PRKG1: variants seen among roughly 807,000 people sequenced by gnomAD.
The protein encoded by PRKG1 is protein kinase cGMP-dependent 1.
In PRKG1, 35 loss-of-function variants were observed where a neutral mutation model predicts 88.1. The observed-to-expected ratio is 0.40, with a 90% CI of 0.30 to 0.53. PRKG1 has a LOEUF of 0.53. Among genes scored for constraint, PRKG1 ranks in the 20% least tolerant of loss-of-function variants. The pLI is 0.59. For missense variants in PRKG1, 540 were observed against 839.8 expected, an observed-to-expected ratio of 0.64 and a Z score of 4.41; for synonymous variants, 303 against 292.5, an observed-to-expected ratio of 1.04 and a Z score of -0.37.
intron 5 of PRKG1, among the ~76,000 whole-genome samples, chr10:52,034,997 C>T (rs1476559989): frequency 2.0e-5 from 3 of 152,158 alleles, no homozygotes; most frequent in Admixed American, 2.0e-4. Flanking sequence ...TTCTACTTTT[C>T]TTGAAGACAG....
At chr10:52,169,064 G>A (rs1413734014) in intron 9 of PRKG1, among the ~76,000 whole-genome samples, 1 of 152,118 alleles carries the variant, frequency 6.6e-6, no homozygotes, top group African/African-American at 2.4e-5. Context: ...AGTGAGAGGA[G>A]CATGGCACTG....
intron 3 of PRKG1, among the ~76,000 whole-genome samples, chr10:51,783,821 T>G (rs1838658434): frequency 6.6e-6 from 1 of 152,114 alleles, no homozygotes; most frequent in Non-Finnish European, 1.5e-5. Context: ...CCATAGAGCC[T>G]TCAATAAAAA....
intron 1 of PRKG1, among the ~76,000 whole-genome samples, chr10:51,027,991 A>T (rs1236368248): frequency 6.6e-6 from 1 of 152,190 alleles, no homozygotes; most frequent in Non-Finnish European, 1.5e-5. Flanking sequence ...AAGACAAGGC[A>T]TTTATCATAG....
intron 3 of PRKG1, among the ~76,000 whole-genome samples, chr10:51,639,480 A>G (rs1459903276): frequency 1.6e-5 from 2 of 127,594 alleles, no homozygotes; most frequent in Admixed American, 1.7e-4. Context: ...AAAAAAAAAG[A>G]CATGAGATTA....
intron 7 of PRKG1, among the ~76,000 whole-genome samples, chr10:52,109,304 G>A (rs767082268): frequency 1.2e-4 from 18 of 152,080 alleles, no homozygotes; most frequent in Non-Finnish European, 2.4e-4. Context: ...TACTTAACCC[G>A]CATTTTTCTA....
chr10:51,246,297 A>ACT (rs1022571955), intron 2 of PRKG1, among the ~76,000 whole-genome samples: 63 of 152,206 alleles, frequency 4.1e-4, no homozygotes, highest in African/African-American at 1.4e-3. Context: ...TTTGATAGAA[A>ACT]CTGAAGCTGA....
chr10:51,961,111 A>G (rs1462613217), intron 5 of PRKG1, among the ~76,000 whole-genome samples: 1 of 152,146 alleles, frequency 6.6e-6, no homozygotes, highest in Non-Finnish European at 1.5e-5. Context: ...CTCTTTCTTC[A>G]TTATAAGCTT....
At chr10:51,348,699 T>C (rs1842169354) in intron 2 of PRKG1, among the ~76,000 whole-genome samples, 1 of 152,190 alleles carries the variant, frequency 6.6e-6, no homozygotes, top group African/African-American at 2.4e-5. Context: ...TCGACCTTGG[T>C]CTCATTTCTT....
intron 3 of PRKG1, among the ~76,000 whole-genome samples, chr10:51,661,470 A>G (rs1293736633): frequency 6.6e-6 from 1 of 152,224 alleles, no homozygotes; most frequent in Admixed American, 6.5e-5. Flanking sequence ...CAAAAGACAC[A>G]TGAAAAAATG....
chr10:51,905,597 C>A (rs1229733853), intron 4 of PRKG1, among the ~76,000 whole-genome samples: 3 of 151,926 alleles, frequency 2.0e-5, no homozygotes, highest in East Asian at 1.9e-4. Flanking sequence ...TGTTGATAAC[C>A]TTTTGTTTTT....
intron 3 of PRKG1, among the ~76,000 whole-genome samples, chr10:51,595,992 G>A (rs913496997): frequency 2.6e-5 from 4 of 151,776 alleles, no homozygotes; most frequent in Admixed American, 6.6e-5. Flanking sequence ...CACCATGCCC[G>A]GCTAATTTTT....
intron 1 of PRKG1, among the ~76,000 whole-genome samples, chr10:51,102,547 C>T (rs969943374): frequency 9.2e-5 from 14 of 152,120 alleles, no homozygotes; most frequent in African/African-American, 3.4e-4. Flanking sequence ...ATTTCCCATT[C>T]GGCTCCTGTT....
Position 51,087,032 on chromosome 10 carries a change from C to A in PRKG1, c.311+12131C>A, listed in dbSNP as rs537378142. Reference sequence around the variant, plus strand: ...AACCCTTGCTAGTGAGTTTTTAAATCGTCTCTGACAGCTTTTCCCTCTCTT... The same window carrying A: ...AACCCTTGCTAGTGAGTTTTTAAATAGTCTCTGACAGCTTTTCCCTCTCTT... On this transcript the variant is annotated intron_variant, in intron 1 of 17. Transcript: ENST00000373980. Among the ~76,000 whole-genome samples, 16 of 152,272 alleles carry A rather than the reference C, an allele frequency of 1.1e-4. No individual in the cohort carries two copies. In the South Asian group the frequency reaches 1.9e-3, roughly 18 times the overall value.
At chr10:51,052,307 A>G (rs1487152508) in intron 1 of PRKG1, among the ~76,000 whole-genome samples, 1 of 152,214 alleles carries the variant, frequency 6.6e-6, no homozygotes, top group Admixed American at 6.5e-5. Flanking sequence ...ATCTCTTGGC[A>G]AGAATTTAAC....
Position 51,737,751 on chromosome 10 carries a change from TTATTATTA to T in PRKG1, c.593-66832_593-66825del, listed in dbSNP as rs1564627523. On this transcript the variant is annotated intron_variant, in intron 3 of 17. Coordinates refer to ENST00000373980, the MANE Select transcript of PRKG1 (RefSeq NM_006258.4). The stretch of plus-strand genomic sequence containing the variant: ...TTTATTTATTTATTAATTATTATTA[TTATTATTA>T]TTATTATTATTATTATTTTCTGAGA... 1.9e-3 allele frequency among the ~76,000 whole-genome samples: 210 copies of T among 112,836 alleles called. 2 individuals carry two copies. In the East Asian group the frequency reaches 0.024, roughly 13 times the overall value. The allele number at this position is 112,836 out of a possible 152,430, so 74.0% of individuals were successfully genotyped here.
At chr10:51,407,345 A>T (rs189222072) in intron 2 of PRKG1, among the ~76,000 whole-genome samples, 420 of 152,304 alleles carry the variant, frequency 2.8e-3, no homozygotes, top group African/African-American at 9.6e-3. Flanking sequence ...TCTTTTGTAC[A>T]ACTGGAAACA....
Position 51,010,754 on chromosome 10 carries a change from A to G in PRKG1, c.266+19110A>G, listed in dbSNP as rs77937751. On this transcript the variant is annotated intron_variant, in intron 1 of 17. Coordinates refer to the PRKG1 transcript ENST00000401604. ...GTGTTTTACAGGTTACTCTGGTGCC[A>G]CTGGTGGTGTTTGTATCAAGTGACT... 2.2e-3 allele frequency among the ~76,000 whole-genome samples: 334 copies of G among 152,332 alleles called. 1 individual carries two copies. The highest frequency in any genetic ancestry group is 7.8e-3 in the African/African-American group (326 of 41,574).
chr10:51,467,633 T>G lies in PRKG1; in HGVS notation c.479-90T>G, dbSNP rs1588987604. On this transcript the variant is annotated intron_variant, in intron 2 of 17. Coordinates refer to ENST00000373980, the MANE Select transcript of PRKG1 (RefSeq NM_006258.4). Reference sequence around the variant, plus strand: ...TAATTGGTAACTGCATTTTTACAAATGAGCCTAACACTCCTCTTCACATTA... The same window carrying G: ...TAATTGGTAACTGCATTTTTACAAAGGAGCCTAACACTCCTCTTCACATTA... 3 of 966,438 alleles carry G rather than the reference T, an allele frequency of 3.1e-6. No individual in the cohort carries two copies. In the East Asian group the frequency reaches 7.7e-5, roughly 25 times the overall value. The allele number at this position is 966,438 out of a possible 1,614,324, so 59.9% of individuals were successfully genotyped here. A position where few individuals can be genotyped will look rare whatever the true frequency, so the allele number is the denominator to read the frequency against.
intron 1 of PRKG1, among the ~76,000 whole-genome samples, chr10:51,126,036 C>A (rs1450482338): frequency 8.5e-5 from 10 of 117,722 alleles, no homozygotes; most frequent in South Asian, 2.6e-4. Context: ...ATAATTATAT[C>A]TAATATACTA....
Sources: allele counts gnomAD v4.1 joint callset (sites outside exome capture counted in the v4.1 genomes callset), GRCh38; gene constraint gnomAD v4.1.1; transcripts MANE v1.5; gene names NCBI Gene and HGNC (gene_info 2026-07-23, HGNC 2026-07-21).